The following CTNND2 variants were observed in gnomAD, a reference collection of about 807,000 sequenced individuals.
The protein encoded by CTNND2 is catenin delta-2.
In CTNND2, 22 loss-of-function variants were observed where a neutral mutation model predicts 144.4. The ratio of observed to expected loss-of-function variants is 0.15; its 90% confidence interval spans 0.11 to 0.22. The LOEUF is 0.22. Ranked by LOEUF, CTNND2 falls within the 10% of genes least tolerant of loss-of-function variation. The pLI is 1.00. For synonymous variants in CTNND2, 751 were observed against 695.6 expected (o/e 1.08, Z -1.25); for missense variants, 1,353 against 1,618.8 (o/e 0.84, Z 2.82).
At chr5:11,807,352 C>T (rs1792060140) in intron 1 of CTNND2, among the ~76,000 whole-genome samples, 1 of 152,150 alleles carries the variant, frequency 6.6e-6, no homozygotes, top group South Asian at 2.1e-4. Context: ...ATTCAGCTTG[C>T]TTAAACCATC....
At position 11,330,594 on chromosome 5, in the gene CTNND2, G is replaced by C. The variant is rs950319533; in HGVS notation, c.1628+15778C>G. ...CCAGGATTGCAGAAGGGCGAGGCGG[G>C]TGGTGGATCACTTGAGGTCAGGAGT... On this transcript the variant is annotated intron_variant, in intron 9 of 21. Transcript: ENST00000304623. Among the ~76,000 whole-genome samples, 79 of 151,706 alleles carry C rather than the reference G, an allele frequency of 5.2e-4. 1 individual carries two copies. Among genetic ancestry groups the C allele is most frequent in the Admixed American group, 4.6e-3 (70 of 15,238 alleles).
intron 2 of CTNND2, among the ~76,000 whole-genome samples, chr5:11,576,260 T>C (rs1378345246): frequency 6.6e-6 from 1 of 152,090 alleles, no homozygotes; most frequent in Non-Finnish European, 1.5e-5. Flanking sequence ...GCCAAAATTT[T>C]TCATGAAAAA....
chr5:11,842,679 A>G (rs1299350229), intron 1 of CTNND2, among the ~76,000 whole-genome samples: 1 of 151,354 alleles, frequency 6.6e-6, no homozygotes, highest in African/African-American at 2.4e-5. Flanking sequence ...AGATGGTGCC[A>G]CTGCACTCCA....
chr5:11,213,346 T>G (rs1449879127), intron 10 of CTNND2, among the ~76,000 whole-genome samples: 1 of 152,128 alleles, frequency 6.6e-6, no homozygotes, highest in Non-Finnish European at 1.5e-5. Context: ...TCTGCTGGAT[T>G]TGACCACTAT....
chr5:11,162,087 G>A (rs1014223017), intron 11 of CTNND2, among the ~76,000 whole-genome samples: 1 of 151,888 alleles, frequency 6.6e-6, no homozygotes, highest in African/African-American at 2.4e-5. Context: ...GAGTGGGGGG[G>A]GGTTGCAGTG....
chr5:11,290,032 G>C (rs184402629), intron 9 of CTNND2, among the ~76,000 whole-genome samples: 2 of 152,162 alleles, frequency 1.3e-5, no homozygotes, highest in Non-Finnish European at 1.5e-5. Flanking sequence ...TACAAGGATC[G>C]AGTATAGAGC....
chr5:11,185,422 G>A (rs976145134), intron 11 of CTNND2, among the ~76,000 whole-genome samples: 2 of 152,196 alleles, frequency 1.3e-5, no homozygotes, highest in Admixed American at 6.5e-5. Context: ...GAAGAAAGAA[G>A]GAAGACAAGA....
intron 18 of CTNND2, among the ~76,000 whole-genome samples, chr5:11,012,444 G>T (rs937728841): frequency 2.6e-5 from 4 of 152,326 alleles, no homozygotes; most frequent in Middle Eastern, 6.8e-3. Flanking sequence ...AATAGCCAGA[G>T]ACCATTTTAA....
intron 12 of CTNND2, among the ~76,000 whole-genome samples, chr5:11,152,985 T>C (rs529762790): frequency 6.6e-6 from 1 of 152,292 alleles, no homozygotes; most frequent in Admixed American, 6.5e-5. Context: ...GAATTCAGGC[T>C]GGGTGCATTG....
At chr5:11,378,887 T>A (rs1758202503) in intron 7 of CTNND2, among the ~76,000 whole-genome samples, 1 of 152,200 alleles carries the variant, frequency 6.6e-6, no homozygotes, top group Non-Finnish European at 1.5e-5. Context: ...ATGTGCACGA[T>A]CCACTCTAAA....
rs1336006397 is a variant in CTNND2, at chr5:10,972,289, G to A, written c.*1164C>T. The A allele has an allele frequency of 6.6e-6, 1 of 152,506 alleles. No homozygotes were observed. 9.4% of individuals were successfully genotyped at this position (152,506 alleles called of 1,614,324 possible). A position where few individuals can be genotyped will look rare whatever the true frequency, so the allele number is the denominator to read the frequency against. On this transcript the variant is annotated 3_prime_UTR_variant, in exon 22 of 22. Coordinates refer to ENST00000304623, the MANE Select transcript of CTNND2 (RefSeq NM_001332.4). ...GGCCTAATATCCTGAGTCACTAGAT[G>A]GTCAGAAGAATAGATACAGTACAAA...
At chr5:11,159,114 T>A (rs1044635241) in intron 12 of CTNND2, among the ~76,000 whole-genome samples, 2 of 152,204 alleles carry the variant, frequency 1.3e-5, no homozygotes, top group African/African-American at 4.8e-5. Context: ...AATTATAGAA[T>A]CTTACAGTCA....
chr5:11,130,205 G>A (rs1181667073), intron 12 of CTNND2, among the ~76,000 whole-genome samples: 6 of 152,050 alleles, frequency 3.9e-5, no homozygotes, highest in South Asian at 4.2e-4. Context: ...GGGGCTGGCC[G>A]CGAACACCAC....
chr5:11,790,713 T>C (rs1791084603), intron 1 of CTNND2, among the ~76,000 whole-genome samples: 1 of 152,232 alleles, frequency 6.6e-6, no homozygotes, highest in Admixed American at 6.5e-5. Flanking sequence ...AAGAAATGTT[T>C]ACGGGTAGTC....
Position 11,103,407 on chromosome 5 carries a change from A to G in CTNND2, c.2464-4659T>C, listed in dbSNP as rs1235390306. ...GAAAGTAGGCTGGGCACAGTGGCTC[A>G]TGCCCATAATCCGAGCACTTTGGGA... is the stretch of plus-strand genomic sequence containing the variant. On this transcript the variant is annotated intron_variant, in intron 14 of 21. Transcript: ENST00000304623. 2.6e-5 allele frequency among the ~76,000 whole-genome samples: 4 copies of G among 152,130 alleles called. No homozygotes were observed. In the South Asian group the frequency reaches 8.3e-4, roughly 32 times the overall value.
chr5:11,104,459 A>C (rs895730914), intron 14 of CTNND2, among the ~76,000 whole-genome samples: 3 of 152,162 alleles, frequency 2.0e-5, no homozygotes, highest in Non-Finnish European at 4.4e-5. Context: ...ACCCAAGTCC[A>C]TCCACCGTCT....
rs374031578 is a variant in CTNND2 at position 11,452,822 on chromosome 5, T to C, written c.288-40753A>G. Among the ~76,000 whole-genome samples the C allele has an allele frequency of 1.2e-4, 19 of 152,316 alleles. No homozygotes were observed. The South Asian group carries it at 3.9e-3, about 32-fold the overall frequency. ...AGAATTTTGAAATTTGAAATACACA[T>C]AATATGTGCGCACATTTGTCTGAAG... On this transcript the variant is annotated intron_variant, in intron 3 of 21. Coordinates refer to ENST00000304623, the MANE Select transcript of CTNND2 (RefSeq NM_001332.4).
At chr5:11,710,052 C>T (rs1050007072) in intron 2 of CTNND2, among the ~76,000 whole-genome samples, 1 of 152,032 alleles carries the variant, frequency 6.6e-6, no homozygotes, top group Non-Finnish European at 1.5e-5. Context: ...CCCACAGAGA[C>T]ATTTCAATGT....
chr5:11,378,410 C>T (rs1481748980), intron 7 of CTNND2, among the ~76,000 whole-genome samples: 5 of 152,190 alleles, frequency 3.3e-5, no homozygotes, highest in Admixed American at 3.3e-4. Flanking sequence ...CCCCTGGAAG[C>T]TCCAGTTGAG....
Sources: allele counts gnomAD v4.1 joint callset (sites outside exome capture counted in the v4.1 genomes callset), GRCh38; gene constraint gnomAD v4.1.1; transcripts MANE v1.5; gene names NCBI Gene and HGNC (gene_info 2026-07-23, HGNC 2026-07-21).